The following OTOA variants were observed in gnomAD, a reference collection of about 807,000 sequenced individuals.
OTOA encodes the protein otoancorin.
In OTOA, 70 loss-of-function variants were observed where a neutral mutation model predicts 110.8. The ratio of observed to expected loss-of-function variants is 0.63; its 90% CI spans 0.52 to 0.77. OTOA has a LOEUF of 0.77. OTOA is among the 30% of genes least tolerant of loss of function. The pLI is 0.00. For synonymous variants in OTOA, 373 were observed against 431.5 expected, an observed-to-expected ratio of 0.86 and a Z score of 1.68; for missense variants, 917 against 1,075.8, an observed-to-expected ratio of 0.85 and a Z score of 2.06.
chr16:21,755,447 CGTGTGTGTGTGTGTGTGTGTGTGT>C (rs4016992), intron 27 of OTOA, among the ~76,000 whole-genome samples: 1 of 68,612 alleles, frequency 1.5e-5, no homozygotes, highest in East Asian at 4.3e-4. Flanking sequence ...ACCACCCCAC[CGTGTGTGTGTGTGTGTGTGTGTGT>C]GTGTGTGTGT....
At chr16:21,716,307 C>T (rs1230532773) in intron 14 of OTOA, among the ~76,000 whole-genome samples, 3 of 152,222 alleles carry the variant, frequency 2.0e-5, no homozygotes, top group South Asian at 2.1e-4. Context: ...TGAGGTGGCT[C>T]ACGCCTGTAA....
chr16:21,707,637 C>CT (rs1279594397), intron 12 of OTOA, among the ~76,000 whole-genome samples: 3 of 103,110 alleles, frequency 2.9e-5, no homozygotes, highest in African/African-American at 9.3e-5. Flanking sequence ...TTCTTTCTTT[C>CT]TTTCTTTCTT....
At chr16:21,722,815 A>C (rs1898798305) in intron 17 of OTOA, 90 bp from the exon 18 acceptor site, 1 of 1,149,818 alleles carries the variant, frequency 8.7e-7, no homozygotes, top group Non-Finnish European at 1.3e-6. Context: ...ACACGTATGA[A>C]GCACTTAGAA....
chr16:21,716,106 G>A (rs1898545542), intron 14 of OTOA, among the ~76,000 whole-genome samples: 1 of 151,628 alleles, frequency 6.6e-6, no homozygotes, highest in South Asian at 2.1e-4. Context: ...TTGCCATGTT[G>A]CCCAGGCTGG....
chr16:21,696,625 A>G (rs1340191189), intron 9 of OTOA, among the ~76,000 whole-genome samples: 1 of 152,004 alleles, frequency 6.6e-6, no homozygotes, highest in Non-Finnish European at 1.5e-5. Flanking sequence ...GCTGGAATGC[A>G]GTGATGTGAT....
At chr16:21,731,615 G>A (rs1236245498) in intron 21 of OTOA, among the ~76,000 whole-genome samples, 1 of 152,190 alleles carries the variant, frequency 6.6e-6, no homozygotes, top group Non-Finnish European at 1.5e-5. Context: ...TTGGAAGTTG[G>A]CACGCTGTCA....
chr16:21,720,040 C>T (rs1898681311), intron 17 of OTOA, among the ~76,000 whole-genome samples: 1 of 151,652 alleles, frequency 6.6e-6, no homozygotes, highest in Non-Finnish European at 1.5e-5. Context: ...ATTGCAGCCT[C>T]AACCTCCTGG....
intron 1 of OTOA, among the ~76,000 whole-genome samples, chr16:21,671,312 C>T (rs1326808753): frequency 6.6e-6 from 1 of 151,950 alleles, no homozygotes; most frequent in South Asian, 2.1e-4. Context: ...CAAGGCCGGG[C>T]TCAGTGGCTC....
chr16:21,689,689 A>T (rs1877033846), intron 8 of OTOA, among the ~76,000 whole-genome samples: 1 of 145,226 alleles, frequency 6.9e-6, no homozygotes. Context: ...TATTTATGTA[A>T]TTTTTTTTTT....
Position 21,726,462 on chromosome 16 carries a change from T to C in OTOA, c.1881-61T>C, listed in dbSNP as rs146250891. 4.3e-4 allele frequency: 690 copies of C among 1,606,684 alleles called. 2 individuals are homozygous for C. In the Middle Eastern group the frequency reaches 5.1e-3, roughly 12 times the overall value. On this transcript the variant is annotated intron_variant, in intron 18 of 28. Coordinates refer to ENST00000646100, the MANE Select transcript of OTOA (RefSeq NM_144672.4). Reference sequence around the variant, plus strand: ...GAGCTCTTGGGCAGGCGGACCCTGATTTTAGGGGCCAACAGGAGCAGCCAT... The same window carrying C: ...GAGCTCTTGGGCAGGCGGACCCTGACTTTAGGGGCCAACAGGAGCAGCCAT...
intron 5 of OTOA, among the ~76,000 whole-genome samples, chr16:21,680,368 G>C (rs1366142302): frequency 2.0e-5 from 3 of 152,016 alleles, no homozygotes; most frequent in Non-Finnish European, 4.4e-5. Flanking sequence ...AAAAGAATTA[G>C]CTAGGCATGG....
intron 22 of OTOA, 64 bp downstream of exon 22, chr16:21,736,454 C>G (rs1899303693): frequency 6.2e-7 from 1 of 1,601,162 alleles, no homozygotes; most frequent in Admixed American, 1.7e-5. Context: ...GGCAGGGTCC[C>G]TGACATCAAG....
At chr16:21,708,860 C>A (rs1157783430) in intron 12 of OTOA, among the ~76,000 whole-genome samples, 1 of 151,988 alleles carries the variant, frequency 6.6e-6, no homozygotes, top group Non-Finnish European at 1.5e-5. Context: ...CATTCCTTAC[C>A]GAAAGCAGCT....
At chr16:21,695,413 C>T (rs1897913149) in intron 9 of OTOA, among the ~76,000 whole-genome samples, 1 of 151,860 alleles carries the variant, frequency 6.6e-6, no homozygotes, top group Non-Finnish European at 1.5e-5. Context: ...GATTGATCTA[C>T]AGAAATACAG....
In OTOA at chr16:21,736,669, A is replaced by G. The variant is rs1899310913; in HGVS notation, c.2431+279A>G. Among the ~76,000 whole-genome samples the G allele has an allele frequency of 1.3e-5, 2 of 152,276 alleles. 1 individual carries two copies. Among genetic ancestry groups the G allele is most frequent in the South Asian group, 4.1e-4 (2 of 4,826 alleles). On this transcript the variant is annotated intron_variant, in intron 22 of 28. Coordinates refer to ENST00000646100, the MANE Select transcript of OTOA (RefSeq NM_144672.4). The stretch of plus-strand genomic sequence containing the variant: ...AACATGGCGAAACCCTGTCTCTACT[A>G]GAAACACAAAAATTAGCCGGGTGTG...
intron 28 of OTOA, among the ~76,000 whole-genome samples, chr16:21,757,893 C>T (rs372339414): frequency 6.6e-6 from 1 of 152,172 alleles, no homozygotes; most frequent in Admixed American, 6.5e-5. Flanking sequence ...GTTGGGATTA[C>T]AGGCGCGAGC....
intron 15 of OTOA, among the ~76,000 whole-genome samples, chr16:21,718,177 C>T (rs1351048298): frequency 6.6e-5 from 10 of 152,228 alleles, no homozygotes; most frequent in Admixed American, 2.6e-4. Flanking sequence ...AGGCTGGTGT[C>T]GAACTCTTGA....
At chr16:21,697,983 G>A (rs1266588427) in intron 10 of OTOA, 108 bp downstream of exon 10, 1 of 968,966 alleles carries the variant, frequency 1.0e-6, no homozygotes, top group Non-Finnish European at 1.6e-6. Flanking sequence ...CTTGGAAATT[G>A]TGTACCCTCC....
At chr16:21,711,650 G>C (rs779143073) in intron 13 of OTOA, among the ~76,000 whole-genome samples, 19 of 152,092 alleles carry the variant, frequency 1.2e-4, no homozygotes, top group Non-Finnish European at 2.1e-4. Flanking sequence ...TGTGTTTTTA[G>C]TAGAGACGAG....
Sources: gnomAD v4.1 joint callset for allele counts (sites outside exome capture counted in the v4.1 genomes callset) on GRCh38, gnomAD v4.1.1 for gene constraint, MANE v1.5 for transcripts, NCBI Gene and HGNC (gene_info 2026-07-23, HGNC 2026-07-21) for gene names.